Variants in TEF observed in about 807,000 individuals in gnomAD.
The protein encoded by TEF is thyrotroph embryonic factor.
A neutral mutation model predicts 20.8 loss-of-function variants in TEF; 3 were observed. The observed-to-expected ratio is 0.14, with a 90% CI of 0.07 to 0.37. TEF has a LOEUF of 0.37. Among genes scored for constraint, TEF ranks in the 10% least tolerant of loss-of-function variants. The pLI, the probability that TEF is intolerant of heterozygous loss-of-function variation, is 1.00. For synonymous variants in TEF, 180 were observed against 171.1 expected, an observed-to-expected ratio of 1.05 and a Z score of -0.41; for missense variants, 296 against 397.9, an observed-to-expected ratio of 0.74 and a Z score of 2.18.
chr22:41,370,840 G>C (rs887936915), intron 1 of TEF, among the ~76,000 whole-genome samples: 1 of 152,134 alleles, frequency 6.6e-6, no homozygotes, highest in African/African-American at 2.4e-5. Flanking sequence ...TGGATAAACA[G>C]ACTTTCTCCA....
intron 1 of TEF, among the ~76,000 whole-genome samples, chr22:41,371,901 G>C (rs556796743): frequency 2.1e-4 from 32 of 152,258 alleles, no homozygotes; most frequent in African/African-American, 7.5e-4. Flanking sequence ...GGTACAGGAG[G>C]GGGCCTTGGT....
At chr22:41,395,025 G>A (rs2037210277) in intron 3 of TEF, among the ~76,000 whole-genome samples, 1 of 151,114 alleles carries the variant, frequency 6.6e-6, no homozygotes, top group Non-Finnish European at 1.5e-5. Context: ...TTTTGTTTTT[G>A]AGACAGAGTC....
chr22:41,385,974 C>T (rs975777422), intron 1 of TEF, among the ~76,000 whole-genome samples: 17 of 152,000 alleles, frequency 1.1e-4, no homozygotes, highest in Non-Finnish European at 2.1e-4. Context: ...TGTGAGCCAC[C>T]GCCCCCGGTA....
At chr22:41,379,925 A>T (rs867843617), upstream of TEF, among the ~76,000 whole-genome samples, 3 of 140,046 alleles carry the variant, frequency 2.1e-5, no homozygotes, top group Non-Finnish European at 4.7e-5. Flanking sequence ...AGAAAAGAAA[A>T]GAAAAGAAAA....
At chr22:41,390,571 C>T (rs1401184288) in intron 2 of TEF, among the ~76,000 whole-genome samples, 3 of 140,410 alleles carry the variant, frequency 2.1e-5, no homozygotes, top group Non-Finnish European at 3.0e-5. Flanking sequence ...GGTGCGATCT[C>T]GGCTCCCGCA....
upstream of TEF, among the ~76,000 whole-genome samples, chr22:41,378,731 C>G (rs1031193896): frequency 8.5e-5 from 13 of 152,160 alleles, no homozygotes; most frequent in African/African-American, 3.1e-4. Flanking sequence ...CTCAGCCTCC[C>G]AAAGTGCTGG....
chr22:41,382,307 C>A, intron 1 of TEF, 106 bp downstream of exon 1: 1 of 994,938 alleles, frequency 1.0e-6, no homozygotes, highest in Non-Finnish European at 1.3e-6. Context: ...AGCAGTGGTC[C>A]AGCGGAGGGG....
chr22:41,381,433 C>T (rs983637152), upstream of TEF, among the ~76,000 whole-genome samples: 1 of 152,148 alleles, frequency 6.6e-6, no homozygotes, highest in African/African-American at 2.4e-5. Context: ...GACTCGGCTG[C>T]GGCTCCACGT....
exon 1 of TEF, chr22:41,367,509 G>A (rs754842934): frequency 1.9e-5 from 29 of 1,549,948 alleles, no homozygotes; most frequent in Admixed American, 3.9e-5. Flanking sequence ...TGTGAGCTGC[G>A]ACTGGTTCTC....
At chr22:41,387,780 C>G in intron 2 of TEF, 112 bp downstream of exon 2, 1 of 1,096,210 alleles carries the variant, frequency 9.1e-7, no homozygotes, top group Non-Finnish European at 1.3e-6. Flanking sequence ...GAGGGGAGGT[C>G]CTGGTGGGGC....
intron 1 of TEF, among the ~76,000 whole-genome samples, chr22:41,375,723 CAAA>C (rs200212380): frequency 8.0e-5 from 6 of 74,706 alleles, no homozygotes; most frequent in Admixed American, 1.4e-4. Flanking sequence ...GACTCTGTCT[CAAA>C]AAAAAAAAAA....
chr22:41,387,494 C>T lies in TEF; in HGVS notation c.301C>T (p.Leu101=). 6.2e-7 allele frequency: 1 copy of T among 1,614,206 alleles called. No homozygotes were observed. The highest frequency in any genetic ancestry group is 8.5e-7 in the Non-Finnish European group (1 of 1,180,046). ...GESFHLEYMD[L]DEFLLENGIP... ...ATCTTTCCACCTGGAGTACATGGAC[C>T]TGGATGAGTTCCTGCTGGAGAATGG... The change falls in exon 2 of 4, where the codon CTG becomes TTG. Residue 101 remains leucine (L), a synonymous_variant. Coordinates refer to ENST00000266304, the MANE Select transcript of TEF (RefSeq NM_003216.4).
chr22:41,391,449 CT>C (rs2037164721), intron 2 of TEF, among the ~76,000 whole-genome samples: 2 of 151,910 alleles, frequency 1.3e-5, no homozygotes, highest in South Asian at 4.2e-4. Context: ...CCTCAGCCCC[CT>C]GAGTAGCTGG....
intron 2 of TEF, among the ~76,000 whole-genome samples, chr22:41,392,516 A>G (rs1181214967): frequency 2.6e-5 from 4 of 151,672 alleles, no homozygotes; most frequent in Admixed American, 1.3e-4. Context: ...TCTACTAAAA[A>G]TACAAAAATT....
intron 1 of TEF, among the ~76,000 whole-genome samples, chr22:41,382,574 G>T: frequency 6.6e-6 from 1 of 152,096 alleles, no homozygotes. Context: ...ACTGGGACAG[G>T]GGTCTTGCAT....
At chr22:41,370,574 G>A (rs187644822) in intron 1 of TEF, among the ~76,000 whole-genome samples, 11 of 151,900 alleles carry the variant, frequency 7.2e-5, no homozygotes, top group East Asian at 1.9e-4. Context: ...CACCACGCCC[G>A]GCTAATTTTT....
Position 41,369,249 on chromosome 22 carries a change from G to A in TEF, c.67+1650G>A, listed in dbSNP as rs559485724. 28 of 985,390 alleles carry A rather than the reference G, an allele frequency of 2.8e-5. 1 individual carries two copies. In the East Asian group the frequency reaches 2.5e-3, roughly 88 times the overall value. 61.0% of individuals were successfully genotyped at this position (985,390 alleles called of 1,614,324 possible). A position where few individuals can be genotyped will look rare whatever the true frequency, so the allele number is the denominator to read the frequency against. ...TGGTCTGTGGGGCCCTGCAATAGCCGAAAAGTCCCCCTCCCTCACTGTGGA... is the reference window on the plus strand; with the variant it reads ...TGGTCTGTGGGGCCCTGCAATAGCCAAAAAGTCCCCCTCCCTCACTGTGGA... On this transcript the variant is annotated intron_variant, in intron 1 of 3. Coordinates refer to the TEF transcript ENST00000406644.
chr22:41,381,920 G>T, upstream of TEF: 1 of 1,226,260 alleles, frequency 8.2e-7, no homozygotes, highest in Non-Finnish European at 1.0e-6. Flanking sequence ...GGAAGGAGGC[G>T]GGGGCGCCAT....
In TEF at chr22:41,398,282, G is replaced by A. The variant is rs2037254430; in HGVS notation, c.*2322G>A. 6.5e-6 allele frequency: 1 copy of A among 153,754 alleles called. No individual in the cohort carries two copies. The highest frequency in any genetic ancestry group is 1.5e-5 in the Non-Finnish European group (1 of 68,078). The allele number at this position is 153,754 out of a possible 1,614,324, so 9.5% of individuals were successfully genotyped here. On this transcript the variant is annotated 3_prime_UTR_variant, in exon 4 of 4. Coordinates refer to ENST00000266304, the MANE Select transcript of TEF (RefSeq NM_003216.4). ...GGTGCCTGCTCAGTTTCTGTCGAGG[G>A]AATGGGAGTCTCCTCGGCTCCCTCC...
Sources: gnomAD v4.1 joint callset for allele counts (sites outside exome capture counted in the v4.1 genomes callset) on GRCh38, gnomAD v4.1.1 for gene constraint, MANE v1.5 for transcripts, NCBI Gene and HGNC (gene_info 2026-07-23, HGNC 2026-07-21) for gene names.